The following KIF16B variants were observed in gnomAD, a reference collection of about 807,000 sequenced individuals.
The protein encoded by KIF16B is kinesin family member 16B.
A neutral mutation model predicts 156.3 loss-of-function variants in KIF16B; 98 were observed. The ratio of observed to expected loss-of-function variants is 0.63; its 90% CI spans 0.53 to 0.74. The LOEUF (loss-of-function observed/expected upper bound fraction) is 0.74. Among genes scored for constraint, KIF16B ranks in the 30% least tolerant of loss-of-function variants. The pLI, the probability that KIF16B is intolerant of heterozygous loss-of-function variation, is 0.00. For synonymous variants in KIF16B, 564 were observed against 583.7 expected (o/e 0.97, Z 0.49); for missense variants, 1,421 against 1,606.5 (o/e 0.88, Z 1.97).
chr20:16,456,627 T>C (rs2067219062), intron 12 of KIF16B, among the ~76,000 whole-genome samples: 2 of 152,154 alleles, frequency 1.3e-5, no homozygotes, highest in East Asian at 1.9e-4. Context: ...TTACCCAAAT[T>C]ACATAAGTGG....
intron 12 of KIF16B, among the ~76,000 whole-genome samples, chr20:16,461,316 T>C (rs1475286632): frequency 6.6e-6 from 1 of 152,118 alleles, no homozygotes; most frequent in Non-Finnish European, 1.5e-5. Flanking sequence ...GTTTCTTCTT[T>C]AACCCAGTTA....
intron 15 of KIF16B, among the ~76,000 whole-genome samples, chr20:16,424,164 T>C (rs2066294958): frequency 1.3e-5 from 2 of 152,254 alleles, no homozygotes; most frequent in Admixed American, 6.5e-5. Flanking sequence ...GGGTTGGTCA[T>C]CTACAATTGC....
At chr20:16,525,087 G>C (rs2069491371) in intron 3 of KIF16B, among the ~76,000 whole-genome samples, 1 of 151,822 alleles carries the variant, frequency 6.6e-6, no homozygotes, top group African/African-American at 2.4e-5. Flanking sequence ...ATGTCGGGTT[G>C]ATGGGTGCAG....
At chr20:16,403,135 G>A (rs772996737) in intron 17 of KIF16B, among the ~76,000 whole-genome samples, 1 of 152,164 alleles carries the variant, frequency 6.6e-6, no homozygotes, top group Non-Finnish European at 1.5e-5. Context: ...GGATAATAAC[G>A]ATAGTACCTG....
rs114438395 is a variant in KIF16B, at chr20:16,432,102, G to A, written c.1303-2120C>T. Among the ~76,000 whole-genome samples the A allele has an allele frequency of 2.8e-3, 423 of 152,110 alleles. 3 individuals carry two copies. Among genetic ancestry groups the A allele is most frequent in the African/African-American group, 9.8e-3 (405 of 41,498 alleles). On this transcript the variant is annotated intron_variant, in intron 12 of 25. Transcript: ENST00000354981. ...CAGAGACAACCCTCCGGAAGAGAAT[G>A]GTAGGCCTTATCTTGACATCAGGCC...
chr20:16,526,067 T>A (rs1297718820), intron 3 of KIF16B, 25 bp downstream of exon 3: 3 of 1,296,778 alleles, frequency 2.3e-6, no homozygotes, highest in South Asian at 1.3e-5. Flanking sequence ...TAAATCAACA[T>A]AAATATTTTG....
At chr20:16,285,166 T>C (rs1390530413) in intron 25 of KIF16B, among the ~76,000 whole-genome samples, 3 of 152,244 alleles carry the variant, frequency 2.0e-5, no homozygotes, top group African/African-American at 7.2e-5. Context: ...AACATGTGAC[T>C]GGTGGCTACT....
chr20:16,327,068 T>TACAC (rs35869892), intron 24 of KIF16B, among the ~76,000 whole-genome samples: 26,485 of 142,818 alleles, frequency 0.19, 2,462 homozygotes, highest in East Asian at 0.33. Flanking sequence ...TGTATACATG[T>TACAC]ACACACACAC....
intron 25 of KIF16B, among the ~76,000 whole-genome samples, chr20:16,297,464 G>A (rs981344953): frequency 1.3e-5 from 2 of 152,094 alleles, no homozygotes; most frequent in African/African-American, 2.4e-5. Context: ...AGGCTGAGGC[G>A]GGCACATCAC....
chr20:16,567,917 A>C (rs2071317403), intron 1 of KIF16B, among the ~76,000 whole-genome samples: 1 of 152,158 alleles, frequency 6.6e-6, no homozygotes, highest in Non-Finnish European at 1.5e-5. Context: ...GCGCCACTGC[A>C]CTCCAGCCTG....
Position 16,573,299 on chromosome 20 carries a change from C to CG in KIF16B, c.-25dup, listed in dbSNP as rs1389212168. The CG allele has an allele frequency of 6.2e-7, 1 of 1,608,906 alleles. No individual in the cohort carries two copies. Among genetic ancestry groups the CG allele is most frequent in the Non-Finnish European group, 8.5e-7 (1 of 1,178,568 alleles). ...ATCGCTCATCCCGAACCAGCCCGCG[C>CG]GGGGTCCCACTAGCCCAGAACTCCG... is the stretch of plus-strand genomic sequence containing the variant. On this transcript the variant is annotated 5_prime_UTR_variant, in exon 1 of 26. Transcript: ENST00000354981.
At chr20:16,435,567 C>A (rs1306647128) in intron 12 of KIF16B, among the ~76,000 whole-genome samples, 6 of 152,186 alleles carry the variant, frequency 3.9e-5, no homozygotes, top group Non-Finnish European at 7.3e-5. Flanking sequence ...TCAGTTCTTT[C>A]ATCTACTTAT....
At chr20:16,456,953 T>C (rs976129571) in intron 12 of KIF16B, among the ~76,000 whole-genome samples, 1 of 152,196 alleles carries the variant, frequency 6.6e-6, no homozygotes, top group African/African-American at 2.4e-5. Flanking sequence ...GAAACAGATC[T>C]ATGATGCCTG....
chr20:16,541,692 G>T (rs1051419374), intron 1 of KIF16B, among the ~76,000 whole-genome samples: 7 of 152,222 alleles, frequency 4.6e-5, no homozygotes, highest in African/African-American at 1.4e-4. Context: ...AGCAAGCAGG[G>T]TGTTCATTAA....
intron 12 of KIF16B, among the ~76,000 whole-genome samples, chr20:16,451,732 C>T (rs1028418176): frequency 1.3e-5 from 2 of 152,150 alleles, no homozygotes; most frequent in African/African-American, 2.4e-5. Context: ...ATCCAATACA[C>T]GCTAAAGATT....
intron 20 of KIF16B, among the ~76,000 whole-genome samples, chr20:16,372,888 G>A (rs932986331): frequency 2.6e-5 from 4 of 152,294 alleles, no homozygotes; most frequent in Non-Finnish European, 2.9e-5. Context: ...AGTAGAGACA[G>A]GGTTTCACTA....
At chr20:16,539,465 C>T (rs1474602858) in intron 1 of KIF16B, among the ~76,000 whole-genome samples, 4 of 152,206 alleles carry the variant, frequency 2.6e-5, no homozygotes, top group South Asian at 4.2e-4. Flanking sequence ...TAAACTTGAG[C>T]GTGATGACCT....
At chr20:16,293,924 G>A (rs542942287) in intron 25 of KIF16B, among the ~76,000 whole-genome samples, 2 of 152,032 alleles carry the variant, frequency 1.3e-5, no homozygotes, top group Admixed American at 6.6e-5. Flanking sequence ...GAGGGGCTGC[G>A]GGGGGTGCAT....
intron 1 of KIF16B, among the ~76,000 whole-genome samples, chr20:16,540,570 A>G (rs1170860908): frequency 6.6e-6 from 1 of 151,926 alleles, no homozygotes; most frequent in East Asian, 1.9e-4. Context: ...GCACTTTCAC[A>G]CCTTCCCATG....
Sources: allele counts gnomAD v4.1 joint callset (sites outside exome capture counted in the v4.1 genomes callset), GRCh38; gene constraint gnomAD v4.1.1; transcripts MANE v1.5; gene names NCBI Gene and HGNC (gene_info 2026-07-23, HGNC 2026-07-21).